Variants in GAP43 observed in about 807,000 individuals in gnomAD.
GAP43 encodes the protein growth associated protein 43.
GAP43 carries 6 observed loss-of-function variants against 18.6 expected under a neutral mutation model. The observed-to-expected ratio is 0.32, with a 90% CI of 0.18 to 0.64. The LOEUF (loss-of-function observed/expected upper bound fraction) is 0.64, where lower values mean the gene tolerates loss of function less well. Ranked by LOEUF, GAP43 falls within the 30% of genes least tolerant of loss-of-function variation. GAP43 has a pLI of 0.78. For synonymous variants in GAP43, 115 were observed against 111.4 expected (o/e 1.03, Z -0.20); for missense variants, 292 against 295.5 (o/e 0.99, Z 0.09).
At position 115,712,723 on chromosome 3, in the gene GAP43, G is replaced by A. The variant is rs192462432; in HGVS notation, c.629-8071G>A. ...CTCTGAAGTCGTATGATTAGTTAGTGGCAAAGTCTAGGCTAGAATAGGAAT... is the reference window on the plus strand; with the variant it reads ...CTCTGAAGTCGTATGATTAGTTAGTAGCAAAGTCTAGGCTAGAATAGGAAT... On this transcript the variant is annotated intron_variant, in intron 2 of 2. Coordinates refer to ENST00000305124, the MANE Select transcript of GAP43 (RefSeq NM_002045.4). 8.1e-4 allele frequency among the ~76,000 whole-genome samples: 124 copies of A among 152,238 alleles called. 3 individuals are homozygous for A. Among genetic ancestry groups the A allele is most frequent in the Admixed American group, 7.8e-3 (119 of 15,280 alleles).
intron 2 of GAP43, among the ~76,000 whole-genome samples, chr3:115,689,375 A>G (rs1313355637): frequency 1.3e-5 from 2 of 152,206 alleles, no homozygotes; most frequent in Non-Finnish European, 2.9e-5. Flanking sequence ...GAAGGCTCTC[A>G]ATAGACATCC....
At chr3:115,627,224 C>G (rs1275984588) in intron 1 of GAP43, among the ~76,000 whole-genome samples, 1 of 146,376 alleles carries the variant, frequency 6.8e-6, no homozygotes, top group Non-Finnish European at 1.5e-5. Flanking sequence ...TCTGGTGACT[C>G]TATAATTCCT....
At chr3:115,714,146 A>T (rs1026948491) in intron 2 of GAP43, among the ~76,000 whole-genome samples, 3 of 152,252 alleles carry the variant, frequency 2.0e-5, no homozygotes, top group Non-Finnish European at 4.4e-5. Context: ...GTGTATGGAC[A>T]TAGTAAGACA....
At chr3:115,716,074 T>G (rs1166894942) in intron 2 of GAP43, among the ~76,000 whole-genome samples, 1 of 152,210 alleles carries the variant, frequency 6.6e-6, no homozygotes, top group Non-Finnish European at 1.5e-5. Flanking sequence ...CTCGAAAATG[T>G]TAACTATAGC....
chr3:115,643,527 A>T (rs1487405452), intron 1 of GAP43, among the ~76,000 whole-genome samples: 2 of 152,056 alleles, frequency 1.3e-5, no homozygotes, highest in East Asian at 1.9e-4. Flanking sequence ...TTTCACCTGG[A>T]TTATTGCAAT....
rs1398156922 is a variant in GAP43 at position 115,717,355 on chromosome 3, G to A, written c.629-3439G>A. On this transcript the variant is annotated intron_variant, in intron 2 of 2. Coordinates refer to ENST00000305124, the MANE Select transcript of GAP43 (RefSeq NM_002045.4). ...ACAGAGTTTCACTTTTGTCCCCCAG[G>A]CCGGAGTGCAATGGCAGGATCTCTG... Among the ~76,000 whole-genome samples the A allele has an allele frequency of 3.3e-5, 5 of 150,412 alleles. No individual in the cohort carries two copies. In the East Asian group the frequency reaches 7.8e-4, roughly 23 times the overall value.
chr3:115,690,795 G>A (rs1379702992), intron 2 of GAP43, among the ~76,000 whole-genome samples: 8 of 124,696 alleles, frequency 6.4e-5, no homozygotes, highest in African/African-American at 2.2e-4. Flanking sequence ...TCCCTCTGTC[G>A]CCCAGGCTGG....
chr3:115,697,045 G>T (rs1426153178), intron 2 of GAP43, among the ~76,000 whole-genome samples: 1 of 151,638 alleles, frequency 6.6e-6, no homozygotes, highest in Non-Finnish European at 1.5e-5. Context: ...CACCATATTG[G>T]TCAGGATGGT....
At chr3:115,659,889 A>G (rs771803263) in intron 1 of GAP43, among the ~76,000 whole-genome samples, 10 of 152,144 alleles carry the variant, frequency 6.6e-5, no homozygotes, top group African/African-American at 2.2e-4. Flanking sequence ...TTATTTATTT[A>G]TTTTTAGCAG....
At chr3:115,695,972 CTTCT>C (rs1316745773) in intron 2 of GAP43, among the ~76,000 whole-genome samples, 1 of 152,096 alleles carries the variant, frequency 6.6e-6, no homozygotes, top group Non-Finnish European at 1.5e-5. Flanking sequence ...TTTGCCCTTC[CTTCT>C]TTATTTCCCT....
At chr3:115,641,510 T>A (rs1315874391) in intron 1 of GAP43, among the ~76,000 whole-genome samples, 21 of 107,034 alleles carry the variant, frequency 2.0e-4, no homozygotes, top group East Asian at 1.4e-3. Flanking sequence ...ATATATATAT[T>A]CACACACACA....
In GAP43 at chr3:115,641,543, C is replaced by CACACACACACACAT. The variant is rs148731356; in HGVS notation, c.30+17824_30+17825insACACACACACACAT. On this transcript the variant is annotated intron_variant, in intron 1 of 2. Coordinates refer to ENST00000305124, the MANE Select transcript of GAP43 (RefSeq NM_002045.4). ...ACACACACACACACACACACACACA[C>CACACACACACACAT]GGTGCTTTCCTGTTTCCCTAGAGAC... is the stretch of plus-strand genomic sequence containing the variant. Among the ~76,000 whole-genome samples, 1,476 of 150,330 alleles carry CACACACACACACAT rather than the reference C, an allele frequency of 9.8e-3. 14 individuals are homozygous for CACACACACACACAT. Among genetic ancestry groups the CACACACACACACAT allele is most frequent in the South Asian group, 0.012 (56 of 4,664 alleles).
At chr3:115,662,002 G>A (rs541848771) in intron 1 of GAP43, among the ~76,000 whole-genome samples, 5 of 151,588 alleles carry the variant, frequency 3.3e-5, no homozygotes, top group South Asian at 2.1e-4. Flanking sequence ...GGTGGGGGTC[G>A]GGGGGAAGGG....
intron 1 of GAP43, 74 bp from the exon 2 acceptor site, chr3:115,675,939 C>T: frequency 1.3e-6 from 2 of 1,522,880 alleles, no homozygotes; most frequent in Non-Finnish European, 8.8e-7. Flanking sequence ...TTAATAAATA[C>T]TTGTTGAATG....
intron 1 of GAP43, among the ~76,000 whole-genome samples, chr3:115,667,778 CTCT>C (rs1708752840): frequency 6.6e-6 from 1 of 152,164 alleles, no homozygotes; most frequent in African/African-American, 2.4e-5. Flanking sequence ...CTTCCTGCAG[CTCT>C]TCTTCTGTCT....
At chr3:115,700,143 AAAC>A (rs1709278604) in intron 2 of GAP43, among the ~76,000 whole-genome samples, 1 of 152,178 alleles carries the variant, frequency 6.6e-6, no homozygotes, top group Non-Finnish European at 1.5e-5. Context: ...CTGTTAATAT[AAAC>A]AACTTTGCAG....
intron 1 of GAP43, among the ~76,000 whole-genome samples, chr3:115,636,168 C>G (rs971091868): frequency 6.6e-6 from 1 of 152,026 alleles, no homozygotes. Flanking sequence ...TCCTTTTACT[C>G]TTTGTGGTTC....
At chr3:115,625,589 G>C (rs1404731887) in intron 1 of GAP43, among the ~76,000 whole-genome samples, 1 of 152,106 alleles carries the variant, frequency 6.6e-6, no homozygotes, top group Non-Finnish European at 1.5e-5. Flanking sequence ...TTCATAATTT[G>C]TTCCCACCCT....
chr3:115,718,412 G>A (rs1263380763), intron 2 of GAP43, among the ~76,000 whole-genome samples: 1 of 152,100 alleles, frequency 6.6e-6, no homozygotes, highest in African/African-American at 2.4e-5. Flanking sequence ...CTTTCTTCTG[G>A]TAGAAAATTA....
Sources: allele counts gnomAD v4.1 joint callset (sites outside exome capture counted in the v4.1 genomes callset), GRCh38; gene constraint gnomAD v4.1.1; transcripts MANE v1.5; gene names NCBI Gene and HGNC (gene_info 2026-07-23, HGNC 2026-07-21).